The following AK5 variants were observed in gnomAD, a reference collection of about 807,000 sequenced individuals.
AK5 encodes adenylate kinase isoenzyme 5.
In AK5, 27 loss-of-function variants were observed where a neutral mutation model predicts 69.5. The ratio of observed to expected loss-of-function variants is 0.39; its 90% CI spans 0.29 to 0.54. The LOEUF (loss-of-function observed/expected upper bound fraction) is 0.54. AK5 is among the 20% of genes least tolerant of loss of function. The probability of loss-of-function intolerance (pLI) is 0.71; values close to 1 mark genes in which losing one functional copy is unlikely to be tolerated. For missense variants in AK5, 531 were observed against 700.4 expected, an observed-to-expected ratio of 0.76 and a Z score of 2.73; for synonymous variants, 260 against 244.4, an observed-to-expected ratio of 1.06 and a Z score of -0.60.
intron 6 of AK5, among the ~76,000 whole-genome samples, chr1:77,394,942 A>T (rs1274314071): frequency 6.6e-6 from 1 of 151,958 alleles, no homozygotes; most frequent in East Asian, 1.9e-4. Flanking sequence ...TAAGAGACAC[A>T]GGATCTAAGA....
chr1:77,322,732 C>T (rs886132328), intron 5 of AK5, among the ~76,000 whole-genome samples: 1 of 152,078 alleles, frequency 6.6e-6, no homozygotes, highest in Non-Finnish European at 1.5e-5. Context: ...TTCTCCAGTG[C>T]TCTCTCCACC....
At chr1:77,367,779 A>ATGTTATATGTTAT in intron 6 of AK5, among the ~76,000 whole-genome samples, 1 of 10,420 alleles carries the variant, frequency 9.6e-5, no homozygotes, top group Non-Finnish European at 2.1e-4. Context: ...TGTTATATAT[A>ATGTTATATGTTAT]ATATATGTTA....
intron 5 of AK5, among the ~76,000 whole-genome samples, chr1:77,305,487 T>C (rs1248856140): frequency 1.3e-5 from 2 of 152,218 alleles, no homozygotes; most frequent in Non-Finnish European, 2.9e-5. Flanking sequence ...TTTAAGTCTT[T>C]AATCCATTTT....
intron 8 of AK5, among the ~76,000 whole-genome samples, chr1:77,461,676 A>G (rs1041833394): frequency 6.6e-6 from 1 of 151,830 alleles, no homozygotes; most frequent in East Asian, 2.0e-4. Context: ...AGGCTGAGGC[A>G]GGAGAATTGC....
At chr1:77,539,514 G>C (rs1659160536) in intron 13 of AK5, among the ~76,000 whole-genome samples, 1 of 152,154 alleles carries the variant, frequency 6.6e-6, no homozygotes, top group South Asian at 2.1e-4. Context: ...CTGCAAAGAT[G>C]AACAGTCCTC....
At chr1:77,558,478 G>GC (rs1660245117) in intron 13 of AK5, 124 bp from the exon 14 acceptor site, 1 of 467,212 alleles carries the variant, frequency 2.1e-6, no homozygotes, top group African/African-American at 5.2e-5. Flanking sequence ...TCTGTGTTTT[G>GC]GGGGGGGTCT....
intron 13 of AK5, among the ~76,000 whole-genome samples, chr1:77,552,587 G>A (rs1659875953): frequency 6.6e-6 from 1 of 152,190 alleles, no homozygotes; most frequent in Admixed American, 6.5e-5. Flanking sequence ...AGGTAATAGA[G>A]TGCATTCAAA....
At chr1:77,501,170 C>T (rs1656696320) in intron 10 of AK5, among the ~76,000 whole-genome samples, 1 of 152,182 alleles carries the variant, frequency 6.6e-6, no homozygotes, top group African/African-American at 2.4e-5. Flanking sequence ...AGGAGCAAAT[C>T]ACAGCAGTAG....
chr1:77,415,997 G>A (rs1356174127), intron 7 of AK5, among the ~76,000 whole-genome samples: 1 of 152,042 alleles, frequency 6.6e-6, no homozygotes, highest in Non-Finnish European at 1.5e-5. Context: ...GCACCAACCT[G>A]ATAGTTCTAA....
intron 12 of AK5, among the ~76,000 whole-genome samples, chr1:77,522,899 T>A (rs184053396): frequency 7.9e-5 from 12 of 152,314 alleles, no homozygotes; most frequent in Non-Finnish European, 1.8e-4. Flanking sequence ...TTTTTTTTAA[T>A]AACCTTTTTA....
rs570929921 is a variant in AK5, at chr1:77,557,266, A to T, written c.1621-1336A>T. ...AGCGTGTGATTACTCATGTCTCCTG[A>T]CTGACCAAGGTCCACATTTGTCAAG... On this transcript the variant is annotated intron_variant, in intron 13 of 13. Transcript: ENST00000354567. 3.2e-4 allele frequency: 62 copies of T among 195,392 alleles called. 1 individual carries two copies. The highest frequency in any genetic ancestry group is 1.4e-3 in the African/African-American group (62 of 42,866). The allele number at this position is 195,392 out of a possible 1,614,324, so 12.1% of individuals were successfully genotyped here.
At chr1:77,500,240 C>T (rs933115074) in intron 10 of AK5, among the ~76,000 whole-genome samples, 4 of 152,042 alleles carry the variant, frequency 2.6e-5, no homozygotes, top group Admixed American at 2.6e-4. Flanking sequence ...ATGGCCCCTT[C>T]CCACAAAATA....
chr1:77,340,580 C>T lies in AK5; in HGVS notation c.891+12C>T, dbSNP rs768505093. 17 of 1,610,584 alleles carry T rather than the reference C, an allele frequency of 1.1e-5. No individual in the cohort carries two copies. In the East Asian group the frequency reaches 1.6e-4, roughly 15 times the overall value. ...GGCTCATCATGACAGTAAGTTAGCT[C>T]GACTTTTACAAGTCCAATACAAGAG... is the stretch of plus-strand genomic sequence containing the variant. On this transcript the variant is annotated intron_variant, in intron 6 of 13. Coordinates refer to ENST00000354567, the MANE Select transcript of AK5 (RefSeq NM_174858.3).
chr1:77,536,099 A>C (rs1658951993), intron 13 of AK5, 61 bp downstream of exon 13: 1 of 1,483,860 alleles, frequency 6.7e-7, no homozygotes, highest in Admixed American at 2.4e-5. Flanking sequence ...TTTTTCCAAG[A>C]AAAGAGAAAA....
At chr1:77,493,616 A>G (rs1276614915) in intron 10 of AK5, among the ~76,000 whole-genome samples, 1 of 152,036 alleles carries the variant, frequency 6.6e-6, no homozygotes, top group African/African-American at 2.4e-5. Context: ...GCCTGGCCCA[A>G]CTGGAGCACT....
At chr1:77,329,497 C>G (rs142600394) in intron 5 of AK5, among the ~76,000 whole-genome samples, 37 of 152,204 alleles carry the variant, frequency 2.4e-4, no homozygotes, top group African/African-American at 8.4e-4. Context: ...CTGGGCTGAA[C>G]TGATCATTCC....
At chr1:77,508,471 C>T (rs1026802219) in intron 10 of AK5, among the ~76,000 whole-genome samples, 2 of 152,194 alleles carry the variant, frequency 1.3e-5, no homozygotes, top group Non-Finnish European at 2.9e-5. Context: ...ACCTGGCATA[C>T]CATGTGCTGG....
chr1:77,544,233 C>T (rs540800847), intron 13 of AK5, among the ~76,000 whole-genome samples: 1 of 152,312 alleles, frequency 6.6e-6, no homozygotes, highest in South Asian at 2.1e-4. Flanking sequence ...ATCCAGCTTT[C>T]AGGACTGGAA....
chr1:77,531,309 G>C, intron 12 of AK5, among the ~76,000 whole-genome samples: 1 of 152,170 alleles, frequency 6.6e-6, no homozygotes, highest in East Asian at 1.9e-4. Flanking sequence ...AGTGTGGACG[G>C]GGACCCCAGC....
Sources: allele counts gnomAD v4.1 joint callset (sites outside exome capture counted in the v4.1 genomes callset), GRCh38; gene constraint gnomAD v4.1.1; transcripts MANE v1.5; gene names NCBI Gene and HGNC (gene_info 2026-07-23, HGNC 2026-07-21).